Variants in NKAIN3 observed in about 807,000 individuals in gnomAD.
The protein encoded by NKAIN3 is sodium/potassium-transporting ATPase subunit beta-1-interacting protein 3.
A neutral mutation model predicts 30.2 loss-of-function variants in NKAIN3; 25 were observed. The observed-to-expected ratio is 0.83, with a 90% CI of 0.60 to 1.16. NKAIN3 has a LOEUF of 1.16. Among genes scored for constraint, NKAIN3 ranks in the 50% most tolerant of loss-of-function variants. The probability of loss-of-function intolerance (pLI) is 0.00; values close to 1 mark genes in which losing one functional copy is unlikely to be tolerated. For missense variants in NKAIN3, 225 were observed against 254.1 expected, an observed-to-expected ratio of 0.89 and a Z score of 0.78; for synonymous variants, 91 against 89.6, an observed-to-expected ratio of 1.02 and a Z score of -0.09.
chr8:62,924,196 T>C (rs554470142), intron 5 of NKAIN3, among the ~76,000 whole-genome samples: 6 of 152,106 alleles, frequency 3.9e-5, no homozygotes, highest in Admixed American at 3.9e-4. Flanking sequence ...AGAGGCCTCC[T>C]CCCTCTGTTG....
At chr8:62,486,747 C>T (rs1806916287) in intron 1 of NKAIN3, among the ~76,000 whole-genome samples, 1 of 152,196 alleles carries the variant, frequency 6.6e-6, no homozygotes, top group Non-Finnish European at 1.5e-5. Flanking sequence ...GCCATTCTTA[C>T]TACCATTTGC....
chr8:62,312,583 T>C (rs1345806906), intron 1 of NKAIN3, among the ~76,000 whole-genome samples: 2 of 147,494 alleles, frequency 1.4e-5, no homozygotes, highest in Non-Finnish European at 2.9e-5. Context: ...TTTGGAAAAC[T>C]GAGTCAGGAA....
intron 1 of NKAIN3, among the ~76,000 whole-genome samples, chr8:62,273,260 C>A (rs79869922): frequency 0.021 from 3,189 of 152,078 alleles, 52 homozygotes; most frequent in Non-Finnish European, 0.035. Context: ...AGCTGAGAAC[C>A]TCTTGAATTC....
chr8:62,584,595 G>T (rs969749407), intron 2 of NKAIN3, among the ~76,000 whole-genome samples: 1 of 152,126 alleles, frequency 6.6e-6, no homozygotes, highest in African/African-American at 2.4e-5. Context: ...CCTTGTGCCA[G>T]CCACACTGAA....
intron 1 of NKAIN3, among the ~76,000 whole-genome samples, chr8:62,501,589 C>T (rs902226287): frequency 6.6e-6 from 1 of 151,924 alleles, no homozygotes; most frequent in Non-Finnish European, 1.5e-5. Flanking sequence ...TCTCTCCATC[C>T]TCTGTGTCTA....
intron 3 of NKAIN3, among the ~76,000 whole-genome samples, chr8:62,700,544 T>C (rs1814301022): frequency 5.9e-5 from 9 of 152,242 alleles, no homozygotes; most frequent in Admixed American, 5.9e-4. Flanking sequence ...ATTCATCCCC[T>C]AATTCAATAA....
chr8:62,671,670 G>A (rs550244028), intron 3 of NKAIN3, among the ~76,000 whole-genome samples: 13 of 152,156 alleles, frequency 8.5e-5, no homozygotes, highest in East Asian at 7.8e-4. Flanking sequence ...GTGTGTGCAC[G>A]TGTGTGTCAC....
At chr8:62,500,096 G>A (rs560070833) in intron 1 of NKAIN3, among the ~76,000 whole-genome samples, 1 of 152,046 alleles carries the variant, frequency 6.6e-6, no homozygotes, top group Non-Finnish European at 1.5e-5. Context: ...ATTGCAGGGG[G>A]TCCTATTCGC....
chr8:62,515,101 A>G (rs1240061499), intron 1 of NKAIN3, among the ~76,000 whole-genome samples: 3 of 152,134 alleles, frequency 2.0e-5, no homozygotes, highest in African/African-American at 7.2e-5. Context: ...TGACTGTAAT[A>G]CATCATGACA....
At chr8:62,801,367 CCCGA>C in intron 4 of NKAIN3, among the ~76,000 whole-genome samples, 1 of 152,276 alleles carries the variant, frequency 6.6e-6, no homozygotes, top group Middle Eastern at 3.4e-3. Flanking sequence ...GGAGGCACCC[CCCGA>C]TAGGGGCAGA....
intron 4 of NKAIN3, among the ~76,000 whole-genome samples, chr8:62,816,402 T>G (rs1218227850): frequency 1.3e-5 from 2 of 152,086 alleles, no homozygotes; most frequent in Non-Finnish European, 2.9e-5. Context: ...TCTTGGGGAG[T>G]GCATAAGCAT....
intron 4 of NKAIN3, among the ~76,000 whole-genome samples, chr8:62,910,880 G>T (rs926219018): frequency 6.6e-6 from 1 of 151,930 alleles, no homozygotes; most frequent in Admixed American, 6.6e-5. Context: ...CTCAAGAGAC[G>T]TTCTCATCAA....
At chr8:62,498,360 G>A (rs1244825708) in intron 1 of NKAIN3, among the ~76,000 whole-genome samples, 1 of 151,918 alleles carries the variant, frequency 6.6e-6, no homozygotes, top group Non-Finnish European at 1.5e-5. Context: ...TGATTATTAA[G>A]ACTACCTCTT....
chr8:62,573,070 T>A lies in NKAIN3; in HGVS notation c.55-6469T>A, dbSNP rs550611018. Among the ~76,000 whole-genome samples, 435 of 152,270 alleles carry A rather than the reference T, an allele frequency of 2.9e-3. 1 individual carries two copies. Among genetic ancestry groups the A allele is most frequent in the African/African-American group, 1.0e-2 (414 of 41,566 alleles). On this transcript the variant is annotated intron_variant, in intron 1 of 6. Transcript: ENST00000623646. ...ATGTTATTTTCACCTTGGAGCCTCATAAGAAAACACCTGACTCTGCAGGAA... is the reference window on the plus strand; with the variant it reads ...ATGTTATTTTCACCTTGGAGCCTCAAAAGAAAACACCTGACTCTGCAGGAA...
intron 4 of NKAIN3, among the ~76,000 whole-genome samples, chr8:62,853,295 T>C (rs1819966880): frequency 6.6e-6 from 1 of 152,194 alleles, no homozygotes; most frequent in African/African-American, 2.4e-5. Flanking sequence ...TCTTTTGTTT[T>C]CCATTTGCTT....
intron 1 of NKAIN3, among the ~76,000 whole-genome samples, chr8:62,415,140 T>TAAC (rs201025284): frequency 7.1e-6 from 1 of 141,552 alleles, no homozygotes; most frequent in Non-Finnish European, 1.5e-5. Context: ...CTATAGTATA[T>TAAC]ATGTATTATA....
At chr8:62,707,577 T>C (rs1297095371) in intron 3 of NKAIN3, among the ~76,000 whole-genome samples, 1 of 152,078 alleles carries the variant, frequency 6.6e-6, no homozygotes, top group African/African-American at 2.4e-5. Flanking sequence ...GGATTCTTTG[T>C]TTTTTTCTTA....
chr8:62,438,373 A>G lies in NKAIN3; in HGVS notation c.55-141166A>G, dbSNP rs557898329. Among the ~76,000 whole-genome samples, 119 of 152,280 alleles carry G rather than the reference A, an allele frequency of 7.8e-4. 1 individual carries two copies. The highest frequency in any genetic ancestry group is 3.3e-3 in the Admixed American group (51 of 15,298). ...CTAAAATCAAATGCCACCGGTATTC[A>G]CAAATAGGGTGACATTTGTGTTGTG... On this transcript the variant is annotated intron_variant, in intron 1 of 6. Transcript: ENST00000623646.
At chr8:62,405,423 A>G (rs1457680631) in intron 1 of NKAIN3, among the ~76,000 whole-genome samples, 1 of 152,224 alleles carries the variant, frequency 6.6e-6, no homozygotes, top group Non-Finnish European at 1.5e-5. Flanking sequence ...TGGAGCTGCA[A>G]GAACTCAGGT....
Sources: allele counts gnomAD v4.1 joint callset (sites outside exome capture counted in the v4.1 genomes callset), GRCh38; gene constraint gnomAD v4.1.1; transcripts MANE v1.5; gene names NCBI Gene and HGNC (gene_info 2026-07-23, HGNC 2026-07-21).